The following WIPF3 variants were observed in gnomAD, a reference collection of about 807,000 sequenced individuals.
WIPF3 encodes the protein WAS/WASL-interacting protein family member 3.
Under a neutral mutation model 38.9 loss-of-function variants are expected in WIPF3, and 33 were observed. That is an observed-to-expected ratio of 0.85 (90% confidence interval 0.64 to 1.14). The LOEUF is 1.14. Ranked by LOEUF, WIPF3 falls within the 50% of genes most tolerant of loss-of-function variation. The pLI, the probability that WIPF3 is intolerant of heterozygous loss-of-function variation, is 0.00. For synonymous variants in WIPF3, 324 were observed against 269.3 expected (o/e 1.20, Z -1.99); for missense variants, 711 against 652.5 (o/e 1.09, Z -0.98).
intron 7 of WIPF3, among the ~76,000 whole-genome samples, chr7:29,903,414 C>T (rs1339430626): frequency 1.3e-5 from 2 of 152,182 alleles, no homozygotes; most frequent in Non-Finnish European, 2.9e-5. Context: ...TAATTGTTCA[C>T]TATTATAAAT....
intron 8 of WIPF3, among the ~76,000 whole-genome samples, chr7:29,909,370 G>A (rs1786461937): frequency 6.6e-6 from 1 of 152,076 alleles, no homozygotes; most frequent in African/African-American, 2.4e-5. Flanking sequence ...GTTGGTTATT[G>A]AAAAGATTAA....
chr7:29,910,385 C>G (rs1179126234), intron 8 of WIPF3, among the ~76,000 whole-genome samples: 1 of 152,040 alleles, frequency 6.6e-6, no homozygotes, highest in Non-Finnish European at 1.5e-5. Context: ...AAAAGCTTTC[C>G]AAAAAATTGA....
chr7:29,911,489 G>T (rs1562793261), intron 8 of WIPF3, among the ~76,000 whole-genome samples: 3 of 151,948 alleles, frequency 2.0e-5, no homozygotes, highest in Admixed American at 6.6e-5. Flanking sequence ...TGAAAAAGAA[G>T]AATAAATCTA....
chr7:29,826,915 G>A (rs1266139846), intron 1 of WIPF3, among the ~76,000 whole-genome samples: 4 of 152,170 alleles, frequency 2.6e-5, no homozygotes, highest in Non-Finnish European at 2.9e-5. Context: ...TAATGACACT[G>A]TGTGACCTTG....
intron 7 of WIPF3, among the ~76,000 whole-genome samples, chr7:29,901,825 C>CAAAA (rs869296187): frequency 1.2e-3 from 95 of 82,182 alleles, no homozygotes; most frequent in Non-Finnish European, 1.3e-3. Context: ...GTCCCTGTCT[C>CAAAA]AAAAAAAAAA....
In WIPF3 at chr7:29,914,508, C is replaced by A. The variant is rs1000006871; in HGVS notation, c.1444C>A (p.Leu482Ile). 1.3e-6 allele frequency: 2 copies of A among 1,520,448 alleles called. No individual in the cohort carries two copies. Among genetic ancestry groups the A allele is most frequent in the Non-Finnish European group, 1.8e-6 (2 of 1,132,082 alleles). The allele number at this position is 1,520,448 out of a possible 1,614,324, so 94.2% of individuals were successfully genotyped here. A position where few individuals can be genotyped will look rare whatever the true frequency, so the allele number is the denominator to read the frequency against. ...GRNSQLSLKT[L>I]R ...GTTTCCACAGTTATCTCTAAAGACT[C>A]TTCGGTGAGAAGACAGATGAAGCGA... The change falls in exon 9 of 9, where the codon CTT (leucine) becomes ATT (isoleucine). Residue 482 changes from leucine to isoleucine, a missense_variant. By Grantham distance (5) the Leu-to-Ile change is conservative (BLOSUM62 2). Coordinates refer to ENST00000242140, the MANE Select transcript of WIPF3 (RefSeq NM_001080529.3).
At chr7:29,871,938 G>C (rs779905254) in intron 2 of WIPF3, among the ~76,000 whole-genome samples, 2 of 152,286 alleles carry the variant, frequency 1.3e-5, no homozygotes, top group Non-Finnish European at 2.9e-5. Context: ...TTTGAAGCTT[G>C]CTGTAGAACT....
intron 2 of WIPF3, among the ~76,000 whole-genome samples, chr7:29,841,049 G>A (rs58080267): frequency 0.18 from 27,273 of 152,172 alleles, 2,612 homozygotes; most frequent in African/African-American, 0.2. Context: ...AGATGGGCCT[G>A]GGAGAAGCTT....
chr7:29,893,280 TGGTGAGG>T (rs1416362684), intron 7 of WIPF3, among the ~76,000 whole-genome samples: 7 of 151,612 alleles, frequency 4.6e-5, no homozygotes, highest in Non-Finnish European at 1.5e-5. Flanking sequence ...CTGTCATTTA[TGGTGAGG>T]GGAGGTGGCT....
At chr7:29,816,145 C>A (rs2128061841) in intron 1 of WIPF3, among the ~76,000 whole-genome samples, 1 of 152,278 alleles carries the variant, frequency 6.6e-6, no homozygotes, top group East Asian at 1.9e-4. Flanking sequence ...AGGTGGTAAT[C>A]CTGAACTTTT....
chr7:29,903,590 C>T (rs937301060), intron 7 of WIPF3, among the ~76,000 whole-genome samples: 2 of 151,942 alleles, frequency 1.3e-5, no homozygotes, highest in Non-Finnish European at 2.9e-5. Flanking sequence ...TTGGAATAAC[C>T]AGTTGAAGGG....
intron 1 of WIPF3, among the ~76,000 whole-genome samples, chr7:29,815,227 G>A (rs1784437933): frequency 6.6e-6 from 1 of 152,098 alleles, no homozygotes; most frequent in African/African-American, 2.4e-5. Context: ...CACAGTCAGA[G>A]GAGACAAAAG....
intron 4 of WIPF3, among the ~76,000 whole-genome samples, chr7:29,881,653 T>C (rs2893358): frequency 0.43 from 64,867 of 151,698 alleles, 14,737 homozygotes; most frequent in African/African-American, 0.57. Flanking sequence ...CCTAGAGCTC[T>C]AAGGGAGTGA....
At chr7:29,821,796 G>C (rs115999041) in intron 1 of WIPF3, among the ~76,000 whole-genome samples, 237 of 152,054 alleles carry the variant, frequency 1.6e-3, no homozygotes, top group African/African-American at 5.5e-3. Context: ...ATTTCATTCT[G>C]CTCATTTTTC....
intron 2 of WIPF3, among the ~76,000 whole-genome samples, chr7:29,842,362 T>G (rs1784925756): frequency 6.6e-6 from 1 of 152,170 alleles, no homozygotes; most frequent in South Asian, 2.1e-4. Flanking sequence ...ACGCTCTAAG[T>G]AGGAAGACAC....
chr7:29,824,571 A>G (rs1784586857), intron 1 of WIPF3, among the ~76,000 whole-genome samples: 1 of 152,114 alleles, frequency 6.6e-6, no homozygotes, highest in African/African-American at 2.4e-5. Context: ...AAAAGAAAAA[A>G]AAGGATATAA....
chr7:29,857,635 C>T (rs2128069973), intron 2 of WIPF3, among the ~76,000 whole-genome samples: 1 of 152,290 alleles, frequency 6.6e-6, no homozygotes, highest in South Asian at 2.1e-4. Flanking sequence ...CCTGGGGTTT[C>T]TACATTCTCC....
chr7:29,848,574 T>C (rs1014524863), intron 2 of WIPF3, among the ~76,000 whole-genome samples: 1 of 152,172 alleles, frequency 6.6e-6, no homozygotes, highest in Admixed American at 6.5e-5. Context: ...AGCCAAACAT[T>C]CATTTAAAAC....
chr7:29,862,624 T>A (rs1296955414), intron 2 of WIPF3, among the ~76,000 whole-genome samples: 2 of 152,216 alleles, frequency 1.3e-5, no homozygotes, highest in African/African-American at 4.8e-5. Flanking sequence ...TTTGTGTCCG[T>A]TAATGGGGCT....
Sources: allele counts gnomAD v4.1 joint callset (sites outside exome capture counted in the v4.1 genomes callset), GRCh38; gene constraint gnomAD v4.1.1; transcripts MANE v1.5; gene names NCBI Gene and HGNC (gene_info 2026-07-23, HGNC 2026-07-21).